IL16: variants seen among roughly 807,000 people sequenced by gnomAD.
IL16 encodes interleukin 16.
A neutral mutation model predicts 110.1 loss-of-function variants in IL16; 67 were observed. The ratio of observed to expected loss-of-function variants is 0.61; its 90% confidence interval spans 0.50 to 0.75. IL16 has a LOEUF of 0.75. Among genes scored for constraint, IL16 ranks in the 30% least tolerant of loss-of-function variants. IL16 has a pLI of 0.00. For missense variants in IL16, 1,545 were observed against 1,655.0 expected, an observed-to-expected ratio of 0.93 and a Z score of 1.15; for synonymous variants, 689 against 662.9, an observed-to-expected ratio of 1.04 and a Z score of -0.61.
intron 1 of IL16, among the ~76,000 whole-genome samples, chr15:81,220,481 A>G (rs978731887): frequency 2.0e-5 from 3 of 152,192 alleles, no homozygotes; most frequent in Non-Finnish European, 2.9e-5. Flanking sequence ...AAAGAGAAAG[A>G]ACCATACATT....
intron 6 of IL16, among the ~76,000 whole-genome samples, chr15:81,278,554 G>A (rs1297395674): frequency 2.6e-5 from 4 of 152,168 alleles, no homozygotes; most frequent in Non-Finnish European, 5.9e-5. Flanking sequence ...CAAAGAGGTG[G>A]GCAAGGACCA....
intron 6 of IL16, among the ~76,000 whole-genome samples, chr15:81,274,679 A>C (rs1258361612): frequency 1.3e-5 from 2 of 152,220 alleles, no homozygotes; most frequent in African/African-American, 4.8e-5. Context: ...AACAAATTGA[A>C]AGAAAGGGAG....
At chr15:81,208,207 T>G (rs372537881) in intron 1 of IL16, among the ~76,000 whole-genome samples, 4 of 152,336 alleles carry the variant, frequency 2.6e-5, no homozygotes, top group South Asian at 4.1e-4. Flanking sequence ...CCTTTGCCCA[T>G]TTTTAATGGG....
Position 81,303,786 on chromosome 15 carries a change from C to T in IL16, c.3420+136C>T, listed in dbSNP as rs1370735234. 7.6e-6 allele frequency: 5 copies of T among 655,688 alleles called. No individual in the cohort carries two copies. The East Asian group carries it at 1.3e-4, about 17-fold the overall frequency. The allele number at this position is 655,688 out of a possible 1,614,324, so 40.6% of individuals were successfully genotyped here. A position where few individuals can be genotyped will look rare whatever the true frequency, so the allele number is the denominator to read the frequency against. ...ACTAGGCCACTGGGCAGGTCCTGTC[C>T]ACTCAGCACATCCCAGAGCCTGGGG... On this transcript the variant is annotated intron_variant, in intron 16 of 18. Transcript: ENST00000683961. The surrounding 1 kb of genome is among the most constrained non-coding windows in gnomAD (Gnocchi z 4.1).
At chr15:81,192,252 C>G (rs1374613025), upstream of IL16, among the ~76,000 whole-genome samples, 1 of 152,076 alleles carries the variant, frequency 6.6e-6, no homozygotes, top group African/African-American at 2.4e-5. Flanking sequence ...TCTGTACTTT[C>G]TATGCAATAT....
chr15:81,245,724 C>CTTT lies in IL16; in HGVS notation c.313-14026_313-14024dup, dbSNP rs1009292228. Among the ~76,000 whole-genome samples, 220 of 61,258 alleles carry CTTT rather than the reference C, an allele frequency of 3.6e-3. 19 individuals are homozygous for CTTT. The highest frequency in any genetic ancestry group is 9.5e-3 in the African/African-American group (140 of 14,662). 40.2% of individuals were successfully genotyped at this position (61,258 alleles called of 152,430 possible). A position where few individuals can be genotyped will look rare whatever the true frequency, so the allele number is the denominator to read the frequency against. ...TAGAGAGATCAGACTTTTGTTTTGG[C>CTTT]TTTTTTTTTTTTTTTTTTTTTTTTG... is the stretch of plus-strand genomic sequence containing the variant. On this transcript the variant is annotated intron_variant, in intron 2 of 18. Transcript: ENST00000683961.
At chr15:81,209,632 C>T (rs1369472254) in intron 1 of IL16, among the ~76,000 whole-genome samples, 1 of 152,096 alleles carries the variant, frequency 6.6e-6, no homozygotes, top group Non-Finnish European at 1.5e-5. Context: ...ATCAAAGGTT[C>T]CAGGTCAGCA....
intron 1 of IL16, among the ~76,000 whole-genome samples, chr15:81,198,075 C>T (rs1030502456): frequency 2.6e-5 from 4 of 152,134 alleles, no homozygotes; most frequent in East Asian, 1.9e-4. Flanking sequence ...TCAACATTTA[C>T]GAGCACAGTA....
At chr15:81,212,671 T>G (rs923973761) in intron 1 of IL16, among the ~76,000 whole-genome samples, 1 of 151,944 alleles carries the variant, frequency 6.6e-6, no homozygotes. Context: ...GGGGTTTCAC[T>G]ATATTGGCCA....
chr15:81,281,558 C>A (rs1899180690), intron 8 of IL16, among the ~76,000 whole-genome samples: 1 of 152,250 alleles, frequency 6.6e-6, no homozygotes, highest in Non-Finnish European at 1.5e-5. Flanking sequence ...GACATCCTGA[C>A]AGCACCCCCT....
chr15:81,241,608 AT>A (rs1438212322), intron 2 of IL16, among the ~76,000 whole-genome samples: 1 of 152,104 alleles, frequency 6.6e-6, no homozygotes, highest in African/African-American at 2.4e-5. Context: ...ATGGAATGCA[AT>A]TTTTAAATAG....
chr15:81,313,207 A>T lies in IL16; in HGVS notation c.*4409A>T, dbSNP rs765552577. 1.4e-6 allele frequency: 2 copies of T among 1,471,942 alleles called. No individual in the cohort carries two copies. The highest frequency in any genetic ancestry group is 2.9e-5 in the African/African-American group (2 of 69,268). 91.2% of individuals were successfully genotyped at this position (1,471,942 alleles called of 1,614,324 possible). A position where few individuals can be genotyped will look rare whatever the true frequency, so the allele number is the denominator to read the frequency against. ...GGCTCCTTGGTGTCCCAACAGCTGG[A>T]GCTCCTCGATGAGTCACGGGAGTTC... On this transcript the variant is annotated 3_prime_UTR_variant, in exon 19 of 19. Coordinates refer to ENST00000683961, the MANE Select transcript of IL16 (RefSeq NM_172217.5).
chr15:81,277,580 A>G (rs1898970954), intron 6 of IL16, among the ~76,000 whole-genome samples: 1 of 151,932 alleles, frequency 6.6e-6, no homozygotes, highest in Non-Finnish European at 1.5e-5. Flanking sequence ...AGTAGTTGGG[A>G]CTACAGGTGC....
intron 2 of IL16, among the ~76,000 whole-genome samples, chr15:81,234,141 T>A (rs576876357): frequency 6.6e-6 from 1 of 152,270 alleles, no homozygotes; most frequent in South Asian, 2.1e-4. Context: ...TTCTTTATCT[T>A]CAATCTGTGT....
intron 1 of IL16, among the ~76,000 whole-genome samples, chr15:81,219,704 C>G (rs1051581495): frequency 6.6e-6 from 1 of 152,164 alleles, no homozygotes; most frequent in South Asian, 2.1e-4. Flanking sequence ...GCTCTGAGGT[C>G]AGCCCACTGT....
intron 1 of IL16, among the ~76,000 whole-genome samples, chr15:81,189,670 C>G (rs1271153710): frequency 6.6e-6 from 1 of 152,112 alleles, no homozygotes; most frequent in Admixed American, 6.5e-5. Flanking sequence ...GAAAAACATA[C>G]AAGAGTTCAC....
chr15:81,265,085 G>A lies in IL16; in HGVS notation c.422-574G>A, dbSNP rs527717948. ...GGGTAGAGTTCCCGGTTGGATGAAA[G>A]GAAGTCTGTGGTTTCCACAAAGTAG... On this transcript the variant is annotated intron_variant, in intron 3 of 18. Transcript: ENST00000683961. 7.2e-5 allele frequency among the ~76,000 whole-genome samples: 11 copies of A among 152,326 alleles called. 1 individual carries two copies. The South Asian group carries it at 2.1e-3, about 29-fold the overall frequency.
rs777277475 is a variant in IL16, at chr15:81,279,727, C to T, written c.1034C>T (p.Thr345Ile). The T allele has an allele frequency of 1.9e-6, 3 of 1,614,258 alleles. No individual in the cohort carries two copies. Among genetic ancestry groups the T allele is most frequent in the Non-Finnish European group, 1.7e-6 (2 of 1,180,046 alleles). Residue 345 changes from threonine (T) to isoleucine (I), a missense_variant, in exon 8 of 19, where the codon ACC becomes ATC. Thr to Ile is a moderately conservative substitution (Grantham distance 89). Coordinates refer to ENST00000683961, the MANE Select transcript of IL16 (RefSeq NM_172217.5). ...GAAAGCCCCTCGGCTCCCATCAGCACCGCCAAGCCCAATTACAGAATCATG... is the reference window on the plus strand; with the variant it reads ...GAAAGCCCCTCGGCTCCCATCAGCATCGCCAAGCCCAATTACAGAATCATG... ...ALESPSAPIS[T>I]AKPNYRIMVE...
chr15:81,258,730 G>GCT (rs145587698), intron 2 of IL16, among the ~76,000 whole-genome samples: 1,855 of 147,780 alleles, frequency 0.013, 17 homozygotes, highest in Middle Eastern at 0.018. Context: ...TCGCGCACGC[G>GCT]CTCTCTCTCT....
Sources: allele counts gnomAD v4.1 joint callset (sites outside exome capture counted in the v4.1 genomes callset), GRCh38; gene constraint gnomAD v4.1.1; non-coding constraint Gnocchi (gnomAD v3.1); transcripts MANE v1.5; gene names NCBI Gene and HGNC (gene_info 2026-07-23, HGNC 2026-07-21).